The following ASIC2 variants were observed in gnomAD, a reference collection of about 807,000 sequenced individuals.
ASIC2 encodes acid sensing ion channel subunit 2, also known as acid-sensing ion channel 2.
Under a neutral mutation model 57.3 loss-of-function variants are expected in ASIC2, and 25 were observed. That is an observed-to-expected ratio of 0.44 (90% CI 0.32 to 0.61). ASIC2 has a LOEUF of 0.61. Among genes scored for constraint, ASIC2 ranks in the 20% least tolerant of loss-of-function variants. ASIC2 has a pLI of 0.06. For synonymous variants in ASIC2, 319 were observed against 307.5 expected, an observed-to-expected ratio of 1.04 and a Z score of -0.39; for missense variants, 641 against 738.1, an observed-to-expected ratio of 0.87 and a Z score of 1.52.
intron 1 of ASIC2, among the ~76,000 whole-genome samples, chr17:33,299,537 C>G (rs999980405): frequency 1.8e-5 from 2 of 110,034 alleles, no homozygotes; most frequent in Non-Finnish European, 3.8e-5. Flanking sequence ...CTCCCTCACT[C>G]TGTTTTTTTT....
intron 1 of ASIC2, among the ~76,000 whole-genome samples, chr17:33,317,011 G>A (rs1402787968): frequency 6.6e-6 from 1 of 152,232 alleles, no homozygotes; most frequent in African/African-American, 2.4e-5. Context: ...CAGCTTCAGA[G>A]ACCTGGGTCC....
At chr17:33,482,421 T>A (rs16968438) in intron 1 of ASIC2, among the ~76,000 whole-genome samples, 23,075 of 152,212 alleles carry the variant, frequency 0.15, 1,821 homozygotes, top group African/African-American at 0.17. Flanking sequence ...GTGTTTCAGA[T>A]CTTCTGCTAA....
chr17:33,464,247 A>C (rs895108672), intron 1 of ASIC2, among the ~76,000 whole-genome samples: 6 of 152,046 alleles, frequency 3.9e-5, no homozygotes, highest in African/African-American at 1.4e-4. Context: ...GGTGCTCCCT[A>C]TTTCTGGCTG....
At chr17:33,080,609 G>C (rs959528460) in intron 3 of ASIC2, among the ~76,000 whole-genome samples, 1 of 152,034 alleles carries the variant, frequency 6.6e-6, no homozygotes, top group Non-Finnish European at 1.5e-5. Flanking sequence ...GGCACAGTAA[G>C]AGATAAACAA....
At chr17:33,759,622 T>C (rs977463738) in intron 1 of ASIC2, among the ~76,000 whole-genome samples, 2 of 152,178 alleles carry the variant, frequency 1.3e-5, no homozygotes, top group Non-Finnish European at 2.9e-5. Context: ...AGGCCTAGGA[T>C]GGCAGAATGG....
intron 1 of ASIC2, among the ~76,000 whole-genome samples, chr17:33,820,501 A>G (rs2141892614): frequency 6.6e-6 from 1 of 152,368 alleles, no homozygotes; most frequent in South Asian, 2.1e-4. Context: ...GTGAAAAGAA[A>G]TATCATGATG....
At chr17:33,429,432 C>T (rs1344284167) in intron 1 of ASIC2, among the ~76,000 whole-genome samples, 4 of 151,922 alleles carry the variant, frequency 2.6e-5, no homozygotes, top group Admixed American at 2.0e-4. Flanking sequence ...GCTCTGTCGC[C>T]CAGGCTGGAG....
At chr17:33,775,471 C>A (rs554206753) in intron 1 of ASIC2, among the ~76,000 whole-genome samples, 2 of 152,054 alleles carry the variant, frequency 1.3e-5, no homozygotes, top group Non-Finnish European at 2.9e-5. Flanking sequence ...ATGAAGAGTA[C>A]GTGAGCAAAT....
intron 2 of ASIC2, among the ~76,000 whole-genome samples, chr17:33,107,352 T>C (rs2092239058): frequency 6.6e-6 from 1 of 152,224 alleles, no homozygotes; most frequent in Non-Finnish European, 1.5e-5. Context: ...TGGAGATTCA[T>C]GATGTATTAT....
intron 1 of ASIC2, among the ~76,000 whole-genome samples, chr17:33,142,419 A>T (rs1179471581): frequency 6.6e-6 from 1 of 152,214 alleles, no homozygotes; most frequent in Admixed American, 6.5e-5. Context: ...GCTTCTGAAC[A>T]TTTATAGATC....
At chr17:33,108,057 G>T (rs1816069647) in intron 2 of ASIC2, among the ~76,000 whole-genome samples, 1 of 152,194 alleles carries the variant, frequency 6.6e-6, no homozygotes, top group South Asian at 2.1e-4. Flanking sequence ...AGTTTGCAGA[G>T]AACTCTCGTT....
In ASIC2 at chr17:33,933,196, G is replaced by C. The variant is rs189172082; in HGVS notation, c.555+222782C>G. The stretch of plus-strand genomic sequence containing the variant: ...TGCCTAAAACACTCTCCCCTGGACA[G>C]TTGCATGCTTAGAAAGTCACCTCCT... On this transcript the variant is annotated intron_variant, in intron 1 of 9. Transcript: ENST00000359872. 2.0e-5 allele frequency among the ~76,000 whole-genome samples: 3 copies of C among 152,184 alleles called. No individual in the cohort carries two copies. The East Asian group carries it at 5.8e-4, about 29-fold the overall frequency.
chr17:33,374,219 C>T (rs1277662947), intron 1 of ASIC2, among the ~76,000 whole-genome samples: 3 of 152,152 alleles, frequency 2.0e-5, no homozygotes, highest in African/African-American at 7.2e-5. Context: ...TGGTCTTGAA[C>T]TCCTGACCTC....
chr17:34,083,416 C>T (rs1909974334), intron 1 of ASIC2, among the ~76,000 whole-genome samples: 1 of 151,742 alleles, frequency 6.6e-6, no homozygotes, highest in African/African-American at 2.4e-5. Context: ...TTAATCCAGT[C>T]TATCATTGTT....
At chr17:33,746,829 G>A (rs1001184439) in intron 1 of ASIC2, among the ~76,000 whole-genome samples, 1 of 151,926 alleles carries the variant, frequency 6.6e-6, no homozygotes, top group African/African-American at 2.4e-5. Flanking sequence ...TAGGCCTTGA[G>A]ACAACACAAA....
chr17:34,071,994 CAGGGTGGGAAGTGCAGA>C (rs1909426849), intron 1 of ASIC2: 1 of 152,314 alleles, frequency 6.6e-6, no homozygotes, highest in Non-Finnish European at 1.5e-5. Flanking sequence ...AGAAACAGCA[CAGGGTGGGAAGTGCAGA>C]AGGGCAGGCA....
intron 1 of ASIC2, among the ~76,000 whole-genome samples, chr17:33,289,715 G>A (rs1036329538): frequency 4.6e-5 from 7 of 152,158 alleles, no homozygotes; most frequent in Non-Finnish European, 7.3e-5. Context: ...GCAGGGCTGC[G>A]GTGAGTATCA....
intron 3 of ASIC2, among the ~76,000 whole-genome samples, chr17:33,087,508 C>T (rs1420983853): frequency 6.6e-6 from 1 of 151,918 alleles, no homozygotes; most frequent in Non-Finnish European, 1.5e-5. Context: ...GTTTGTGAGG[C>T]CTATGCCATC....
chr17:33,418,378 T>C (rs1394138746), intron 1 of ASIC2, among the ~76,000 whole-genome samples: 1 of 151,990 alleles, frequency 6.6e-6, no homozygotes, highest in African/African-American at 2.4e-5. Context: ...AAAAAAAAAA[T>C]CCCATTTGTC....
Sources: gnomAD v4.1 joint callset for allele counts (sites outside exome capture counted in the v4.1 genomes callset) on GRCh38, gnomAD v4.1.1 for gene constraint, MANE v1.5 for transcripts, NCBI Gene and HGNC (gene_info 2026-07-23, HGNC 2026-07-21) for gene names.